The following DNAH5 variants were observed in gnomAD, a reference collection of about 807,000 sequenced individuals.
The protein encoded by DNAH5 is dynein axonemal heavy chain 5, also known as axonemal beta dynein heavy chain 5.
Under a neutral mutation model 518.2 loss-of-function variants are expected in DNAH5, and 372 were observed. That is an observed-to-expected ratio of 0.72 (90% confidence interval 0.66 to 0.78). DNAH5 has a LOEUF of 0.78. DNAH5 is among the 30% of genes least tolerant of loss of function. DNAH5 has a pLI of 0.00. For missense variants in DNAH5, 5,523 were observed against 5,687.0 expected, an observed-to-expected ratio of 0.97 and a Z score of 0.93; for synonymous variants, 2,039 against 2,025.9, an observed-to-expected ratio of 1.01 and a Z score of -0.17.
intron 13 of DNAH5, 52 bp downstream of exon 13, chr5:13,902,001 A>T: frequency 8.7e-6 from 11 of 1,261,026 alleles, no homozygotes; most frequent in Non-Finnish European, 1.2e-5. Context: ...AACAACAATA[A>T]AAGCTAAACT....
chr5:13,734,509 G>A (rs1747071671), intron 68 of DNAH5, among the ~76,000 whole-genome samples: 1 of 152,128 alleles, frequency 6.6e-6, no homozygotes, highest in African/African-American at 2.4e-5. Context: ...TCATCCACAG[G>A]ATGAGCTGCA....
rs1313742038 is a variant in DNAH5 at position 13,817,657 on chromosome 5, G to A, written c.6879C>T (p.Pro2293=). ...ACATCTGTGGGGCAGTAATCGCTTT[G>A]GGATTCATCCTCATTTCCCGATGTG... is the stretch of plus-strand genomic sequence containing the variant. ...GKPHREMRMN[P]KAITAPQMFG... Residue 2293 remains proline, a synonymous_variant, in exon 42 of 79, where the codon CCC becomes CCT. Coordinates refer to ENST00000265104, the MANE Select transcript of DNAH5 (RefSeq NM_001369.3). 7 of 1,614,128 alleles carry A rather than the reference G, an allele frequency of 4.3e-6. No individual in the cohort carries two copies. The highest frequency in any genetic ancestry group is 1.1e-5 in the South Asian group (1 of 91,080).
chr5:13,744,564 C>T (rs191190370), intron 65 of DNAH5, among the ~76,000 whole-genome samples: 29 of 152,054 alleles, frequency 1.9e-4, no homozygotes, highest in Admixed American at 1.6e-3. Flanking sequence ...GATCACTATA[C>T]ATTATATTAT....
intron 3 of DNAH5, among the ~76,000 whole-genome samples, chr5:13,923,824 A>G (rs1038560878): frequency 1.4e-4 from 22 of 152,096 alleles, no homozygotes; most frequent in Admixed American, 1.4e-3. Context: ...CGGGCAGATC[A>G]CCTGAGGTCA....
chr5:14,005,388 G>A (rs1404924960), intron 1 of DNAH5, among the ~76,000 whole-genome samples: 3 of 152,212 alleles, frequency 2.0e-5, no homozygotes, highest in Admixed American at 2.0e-4. Context: ...CCTGAGGGCA[G>A]GTACTTGTCC....
chr5:13,815,278 C>G (rs1761304053), intron 42 of DNAH5, among the ~76,000 whole-genome samples: 1 of 152,088 alleles, frequency 6.6e-6, no homozygotes, highest in African/African-American at 2.4e-5. Context: ...ATAAGATATT[C>G]CAGGAAGAGA....
Position 13,916,470 on chromosome 5 carries a change from C to T in DNAH5, c.1090-15G>A. On this transcript the variant is annotated splice_polypyrimidine_tract_variant and intron_variant, in intron 8 of 78. Transcript: ENST00000265104. ...ATCATGGATAGCTGAAAGATATCAC[C>T]AAAGTTTTCAGAAAAAATCATCAAA... 1 of 1,407,478 alleles carries T rather than the reference C, an allele frequency of 7.1e-7. No individual in the cohort carries two copies. Among genetic ancestry groups the T allele is most frequent in the Non-Finnish European group, 1.0e-6 (1 of 996,810 alleles). 87.2% of individuals were successfully genotyped at this position (1,407,478 alleles called of 1,614,324 possible). A position where few individuals can be genotyped will look rare whatever the true frequency, so the allele number is the denominator to read the frequency against.
chr5:13,865,140 A>C (rs1769046211), intron 27 of DNAH5, among the ~76,000 whole-genome samples: 1 of 150,922 alleles, frequency 6.6e-6, no homozygotes, highest in Non-Finnish European at 1.5e-5. Context: ...GATTACAGGT[A>C]CGTGCCGCCA....
At chr5:13,913,011 A>G (rs1213810407) in intron 11 of DNAH5, among the ~76,000 whole-genome samples, 5 of 152,024 alleles carry the variant, frequency 3.3e-5, no homozygotes, top group Admixed American at 3.3e-4. Flanking sequence ...ATTGGGCTAA[A>G]TTGTTAGAGT....
Position 13,854,470 on chromosome 5 carries a change from A to G in DNAH5, c.4951-3655T>C, listed in dbSNP as rs139027859. The stretch of plus-strand genomic sequence containing the variant: ...GAAGAAACTGCATCAACTAATGGAC[A>G]AAATAACCAGCTAGCATCATAATGA... On this transcript the variant is annotated intron_variant, in intron 30 of 78. Transcript: ENST00000265104. 8.8e-3 allele frequency among the ~76,000 whole-genome samples: 1,344 copies of G among 152,370 alleles called. 12 individuals are homozygous for G. The highest frequency in any genetic ancestry group is 0.015 in the Non-Finnish European group (1,040 of 68,024).
At chr5:13,798,965 T>C (rs1758293318) in intron 47 of DNAH5, among the ~76,000 whole-genome samples, 1 of 151,806 alleles carries the variant, frequency 6.6e-6, no homozygotes, top group Non-Finnish European at 1.5e-5. Context: ...GGGATTTCAC[T>C]ATGTTGGCCA....
At chr5:13,741,114 A>T (rs11958133) in intron 65 of DNAH5, among the ~76,000 whole-genome samples, 4 of 152,220 alleles carry the variant, frequency 2.6e-5, no homozygotes, top group East Asian at 1.9e-4. Flanking sequence ...CCAGAAATGC[A>T]GATGTGGAAA....
chr5:13,862,213 T>C (rs1391976604), intron 29 of DNAH5, among the ~76,000 whole-genome samples: 1 of 152,138 alleles, frequency 6.6e-6, no homozygotes. Flanking sequence ...AATTATACGT[T>C]GCATTATTTT....
chr5:13,833,250 C>A (rs1419504129), intron 35 of DNAH5, among the ~76,000 whole-genome samples: 1 of 151,908 alleles, frequency 6.6e-6, no homozygotes, highest in African/African-American at 2.4e-5. Context: ...ACCAGCCTGG[C>A]CAATATGGCA....
rs75273381 is a variant in DNAH5 at position 13,838,497 on chromosome 5, G to A, written c.5882+859C>T. On this transcript the variant is annotated intron_variant, in intron 35 of 78. Transcript: ENST00000265104. ...TTATGAACTGCACGTGAACCCTATC[G>A]TGAGCTGTGCATGTGAGGGATCTAG... Among the ~76,000 whole-genome samples the A allele has an allele frequency of 2.6e-3, 393 of 152,154 alleles. 9 individuals carry two copies. In the East Asian group the frequency reaches 0.066, roughly 25 times the overall value.
intron 60 of DNAH5, 91 bp from the exon 61 acceptor site, chr5:13,759,074 G>A (rs1751431905): frequency 6.5e-7 from 1 of 1,548,414 alleles, no homozygotes; most frequent in Non-Finnish European, 8.9e-7. Flanking sequence ...AACGTCACAT[G>A]TTTATACCTT....
At chr5:13,993,040 T>C (rs949545969) in intron 1 of DNAH5, among the ~76,000 whole-genome samples, 1 of 152,214 alleles carries the variant, frequency 6.6e-6, no homozygotes, top group African/African-American at 2.4e-5. Flanking sequence ...TCTGCGGCTA[T>C]TAGACATAAG....
At chr5:13,979,545 C>T (rs1782517639) in intron 1 of DNAH5, among the ~76,000 whole-genome samples, 1 of 152,124 alleles carries the variant, frequency 6.6e-6, no homozygotes, top group African/African-American at 2.4e-5. Flanking sequence ...CACAATACTA[C>T]CACCACCAGC....
chr5:13,871,892 A>T, intron 22 of DNAH5, 127 bp from the exon 23 acceptor site: 1 of 864,178 alleles, frequency 1.2e-6, no homozygotes, highest in Middle Eastern at 3.4e-4. Flanking sequence ...CTGTGTGATT[A>T]TCTGGAAATG....
Sources: allele counts gnomAD v4.1 joint callset (sites outside exome capture counted in the v4.1 genomes callset), GRCh38; gene constraint gnomAD v4.1.1; transcripts MANE v1.5; gene names NCBI Gene and HGNC (gene_info 2026-07-23, HGNC 2026-07-21).